PPP4R4: variants seen among roughly 807,000 people sequenced by gnomAD.
PPP4R4 encodes the protein serine/threonine-protein phosphatase 4 regulatory subunit 4.
PPP4R4 carries 70 observed loss-of-function variants against 121.8 expected under a neutral mutation model. The ratio of observed to expected loss-of-function variants is 0.57; its 90% confidence interval spans 0.47 to 0.70. The LOEUF (loss-of-function observed/expected upper bound fraction) is 0.70, where lower values mean the gene tolerates loss of function less well. PPP4R4 is among the 30% of genes least tolerant of loss of function. PPP4R4 has a pLI of 0.00. For synonymous variants in PPP4R4, 348 were observed against 355.7 expected, an observed-to-expected ratio of 0.98 and a Z score of 0.24; for missense variants, 875 against 1,033.6, an observed-to-expected ratio of 0.85 and a Z score of 2.10.
At chr14:94,274,800 G>T (rs1894543351) in intron 23 of PPP4R4, among the ~76,000 whole-genome samples, 1 of 152,136 alleles carries the variant, frequency 6.6e-6, no homozygotes, top group Admixed American at 6.6e-5. Context: ...TTACTGAGAA[G>T]AAACTAAAAC....
At chr14:94,262,786 A>G (rs548442884) in intron 19 of PPP4R4, among the ~76,000 whole-genome samples, 18 of 152,112 alleles carry the variant, frequency 1.2e-4, no homozygotes, top group African/African-American at 4.3e-4. Flanking sequence ...TCTTTAGCAA[A>G]TCTTGAAGCA....
intron 2 of PPP4R4, among the ~76,000 whole-genome samples, chr14:94,179,509 T>C (rs1888861072): frequency 6.6e-6 from 1 of 152,220 alleles, no homozygotes; most frequent in Non-Finnish European, 1.5e-5. Context: ...ATTCTTCACT[T>C]TTTGATTCAG....
At chr14:94,232,497 A>AT (rs1344459184) in intron 5 of PPP4R4, among the ~76,000 whole-genome samples, 2 of 152,124 alleles carry the variant, frequency 1.3e-5, no homozygotes, top group East Asian at 1.9e-4. Context: ...TGATTTTTAT[A>AT]TTTTTTTGAA....
At position 94,252,010 on chromosome 14, in the gene PPP4R4, C is replaced by T. The variant is rs925354590; in HGVS notation, c.1865+114C>T. On this transcript the variant is annotated intron_variant, in intron 16 of 24. Coordinates refer to ENST00000304338, the MANE Select transcript of PPP4R4 (RefSeq NM_058237.2). Reference sequence around the variant, plus strand: ...TAAAAACTTAAGTCAAGAATTTACACGTGCTTTGAAATTCTTAGTATTCAT... The same window carrying T: ...TAAAAACTTAAGTCAAGAATTTACATGTGCTTTGAAATTCTTAGTATTCAT... The T allele has an allele frequency of 4.3e-5, 38 of 886,504 alleles. 1 individual carries two copies. The highest frequency in any genetic ancestry group is 2.8e-4 in the South Asian group (14 of 50,860). The allele number at this position is 886,504 out of a possible 1,614,324, so 54.9% of individuals were successfully genotyped here. A position where few individuals can be genotyped will look rare whatever the true frequency, so the allele number is the denominator to read the frequency against.
chr14:94,194,088 G>A (rs919453624), intron 2 of PPP4R4, among the ~76,000 whole-genome samples: 1 of 152,184 alleles, frequency 6.6e-6, no homozygotes, highest in African/African-American at 2.4e-5. Flanking sequence ...ATTGGCATAA[G>A]ATTTTACTAT....
intron 14 of PPP4R4, among the ~76,000 whole-genome samples, chr14:94,249,889 G>T (rs1481948113): frequency 6.6e-6 from 1 of 152,020 alleles, no homozygotes; most frequent in African/African-American, 2.4e-5. Flanking sequence ...GGTGGCAGGG[G>T]TGTATTTGAT....
At chr14:94,228,845 T>C (rs1891862761) in intron 3 of PPP4R4, among the ~76,000 whole-genome samples, 2 of 152,076 alleles carry the variant, frequency 1.3e-5, no homozygotes, top group African/African-American at 2.4e-5. Context: ...ATGTTGTGTA[T>C]TGGATGATGG....
intron 3 of PPP4R4, among the ~76,000 whole-genome samples, chr14:94,218,778 C>T (rs1891215074): frequency 6.6e-6 from 1 of 151,958 alleles, no homozygotes; most frequent in Admixed American, 6.6e-5. Flanking sequence ...CCCTAGATAC[C>T]TCATAAACTG....
Position 94,275,472 on chromosome 14 carries a change from G to C in PPP4R4, c.2548G>C (p.Asp850His), listed in dbSNP as rs1334754669. Residue 850 changes from aspartate (D) to histidine (H), a missense_variant, in exon 24 of 25, where the codon GAC becomes CAC. Physicochemically the swap from Asp to His is moderately conservative, Grantham distance 81. Transcript: ENST00000304338. ...TTCCCGTGGGACAGGTAACTCAGTT[G>C]ACCCCAAGAGCAGTGGAAGTAAAGA... ...STSRGTGNSV[D>H]PKSSGSKDTQ... 3.7e-6 allele frequency: 6 copies of C among 1,613,994 alleles called. No individual in the cohort carries two copies. The highest frequency in any genetic ancestry group is 1.7e-5 in the Admixed American group (1 of 60,004).
intron 19 of PPP4R4, among the ~76,000 whole-genome samples, chr14:94,261,851 T>A (rs1170858092): frequency 1.3e-5 from 2 of 152,022 alleles, no homozygotes; most frequent in Admixed American, 6.5e-5. Flanking sequence ...TTACACTGAT[T>A]TTTCAAATGG....
chr14:94,250,072 A>G, intron 14 of PPP4R4, 100 bp from the exon 15 acceptor site: 5 of 721,756 alleles, frequency 6.9e-6, no homozygotes, highest in Non-Finnish European at 1.2e-5. Flanking sequence ...GGCAGTGAAC[A>G]CTTTAGTTTT....
chr14:94,176,210 G>A, intron 2 of PPP4R4, 83 bp downstream of exon 2: 3 of 1,171,798 alleles, frequency 2.6e-6, no homozygotes, highest in Admixed American at 1.7e-5. Context: ...GTATGTTCGC[G>A]TTATGTTCAG....
At position 94,230,158 on chromosome 14, in the gene PPP4R4, A is replaced by G. The variant is rs74074140; in HGVS notation, c.295-429A>G. ...TGTATTCTTTTTTATAGTAGAATGTATGATGTTTATTTTTTGAAACACAAA... is the reference window on the plus strand; with the variant it reads ...TGTATTCTTTTTTATAGTAGAATGTGTGATGTTTATTTTTTGAAACACAAA... On this transcript the variant is annotated intron_variant, in intron 3 of 24. Coordinates refer to ENST00000304338, the MANE Select transcript of PPP4R4 (RefSeq NM_058237.2). Among the ~76,000 whole-genome samples the G allele has an allele frequency of 3.4e-3, 518 of 152,314 alleles. 2 individuals are homozygous for G. Among genetic ancestry groups the G allele is most frequent in the African/African-American group, 0.011 (448 of 41,580 alleles).
intron 23 of PPP4R4, among the ~76,000 whole-genome samples, chr14:94,272,496 A>C (rs1270480055): frequency 6.6e-6 from 1 of 152,188 alleles, no homozygotes; most frequent in Non-Finnish European, 1.5e-5. Context: ...CTTCACAAAA[A>C]TGTATTCAAA....
At chr14:94,276,613 C>G (rs531604424) in intron 24 of PPP4R4, among the ~76,000 whole-genome samples, 127 of 148,872 alleles carry the variant, frequency 8.5e-4, no homozygotes, top group African/African-American at 3.1e-3. Flanking sequence ...CGAGAACTCA[C>G]TGTCACAAAG....
chr14:94,219,497 A>G (rs1276208508), intron 3 of PPP4R4, among the ~76,000 whole-genome samples: 1 of 152,230 alleles, frequency 6.6e-6, no homozygotes, highest in Non-Finnish European at 1.5e-5. Context: ...AAATTCTTTC[A>G]GAAAATAGAG....
chr14:94,248,111 G>A (rs377508088), intron 14 of PPP4R4, among the ~76,000 whole-genome samples: 36 of 152,230 alleles, frequency 2.4e-4, no homozygotes, highest in African/African-American at 8.4e-4. Flanking sequence ...TAGGAAAAGA[G>A]GAAGTCAAAT....
At chr14:94,196,335 CAG>C (rs1567109161) in intron 2 of PPP4R4, among the ~76,000 whole-genome samples, 2 of 88,516 alleles carry the variant, frequency 2.3e-5, no homozygotes, top group Admixed American at 3.4e-4. Context: ...TTTTTGGAGA[CAG>C]AATTTCATTC....
At position 94,260,558 on chromosome 14, in the gene PPP4R4, T is replaced by A. The variant is rs532633513; in HGVS notation, c.2127+1189T>A. On this transcript the variant is annotated intron_variant, in intron 19 of 24. Coordinates refer to ENST00000304338, the MANE Select transcript of PPP4R4 (RefSeq NM_058237.2). ...ATGTAATGGTATCTCATTTTTTTTT[T>A]AATCTCTTTTTCTATTCCTGATGCC... Among the ~76,000 whole-genome samples the A allele has an allele frequency of 2.6e-5, 4 of 152,238 alleles. No homozygotes were observed. In the South Asian group the frequency reaches 6.2e-4, roughly 24 times the overall value.
Sources: allele counts gnomAD v4.1 joint callset (sites outside exome capture counted in the v4.1 genomes callset), GRCh38; gene constraint gnomAD v4.1.1; transcripts MANE v1.5; gene names NCBI Gene and HGNC (gene_info 2026-07-23, HGNC 2026-07-21).